TRMT10B: variants seen among roughly 807,000 people sequenced by gnomAD.
TRMT10B encodes the protein tRNA methyltransferase 10 homolog B.
In TRMT10B, 33 loss-of-function variants were observed where a neutral mutation model predicts 43.8. That is an observed-to-expected ratio of 0.75 (90% CI 0.57 to 1.01). The LOEUF (loss-of-function observed/expected upper bound fraction) is 1.01. Ranked by LOEUF, TRMT10B falls within the 50% of genes least tolerant of loss-of-function variation. The pLI, the probability that TRMT10B is intolerant of heterozygous loss-of-function variation, is 0.00. For synonymous variants in TRMT10B, 137 were observed against 130.6 expected, an observed-to-expected ratio of 1.05 and a Z score of -0.34; for missense variants, 362 against 369.8, an observed-to-expected ratio of 0.98 and a Z score of 0.17.
intron 1 of TRMT10B, among the ~76,000 whole-genome samples, chr9:37,757,116 C>T (rs996518285): frequency 2.0e-4 from 31 of 151,912 alleles, no homozygotes; most frequent in African/African-American, 6.3e-4. Context: ...ACAGGGTTTG[C>T]TGTGTCACCC....
chr9:37,762,139 C>A (rs748289491), intron 2 of TRMT10B, 22 bp downstream of exon 2: 1 of 1,599,708 alleles, frequency 6.3e-7, no homozygotes, highest in Admixed American at 1.7e-5. Flanking sequence ...AATTGCCTGG[C>A]CATAGGCCTT....
At chr9:37,774,915 C>A (rs544387789) in intron 7 of TRMT10B, among the ~76,000 whole-genome samples, 2 of 152,250 alleles carry the variant, frequency 1.3e-5, no homozygotes, top group African/African-American at 4.8e-5. Context: ...ACTTGAAATT[C>A]AAAGAAGAGT....
intron 1 of TRMT10B, among the ~76,000 whole-genome samples, chr9:37,756,424 TG>T (rs1825681941): frequency 6.8e-6 from 1 of 146,704 alleles, no homozygotes; most frequent in African/African-American, 2.5e-5. Context: ...AAAAAAAAAA[TG>T]GCTGGGTGCG....
chr9:37,754,347 G>A (rs190143019), intron 1 of TRMT10B, among the ~76,000 whole-genome samples: 3 of 152,298 alleles, frequency 2.0e-5, no homozygotes, highest in Admixed American at 2.0e-4. Context: ...AGCATTGAGG[G>A]TAAAGAGAAC....
Position 37,772,628 on chromosome 9 carries a change from A to ATG in TRMT10B, c.720+1892_720+1893dup, listed in dbSNP as rs151186284. 6.9e-3 allele frequency among the ~76,000 whole-genome samples: 1,053 copies of ATG among 152,270 alleles called. 16 individuals are homozygous for ATG. Among genetic ancestry groups the ATG allele is most frequent in the African/African-American group, 0.024 (1,014 of 41,544 alleles). ...ATTGTGAGGAAACAGACAAATCAGAATGTGGGACATTCTGCAAAACAACTG... is the reference window on the plus strand; with the variant it reads ...ATTGTGAGGAAACAGACAAATCAGAATGTGTGGGACATTCTGCAAAACAACTG... On this transcript the variant is annotated intron_variant, in intron 7 of 8. Transcript: ENST00000297994.
chr9:37,778,286 G>C lies in TRMT10B; in HGVS notation c.*579G>C, dbSNP rs1828395972. On this transcript the variant is annotated 3_prime_UTR_variant, in exon 9 of 9. Transcript: ENST00000297994. ...AATCCCAGCACTTTGGGAGGCTGAG[G>C]TGAGTGGATTACAAGGTCAGGAGTT... The C allele has an allele frequency of 6.6e-6, 1 of 152,510 alleles. No homozygotes were observed. Among genetic ancestry groups the C allele is most frequent in the South Asian group, 2.1e-4 (1 of 4,842 alleles). 9.4% of individuals were successfully genotyped at this position (152,510 alleles called of 1,614,324 possible). A position where few individuals can be genotyped will look rare whatever the true frequency, so the allele number is the denominator to read the frequency against.
chr9:37,753,667 C>T (rs949555931), upstream of TRMT10B: 5 of 152,236 alleles, frequency 3.3e-5, no homozygotes, highest in Admixed American at 3.3e-4. Context: ...GACGCAGCTC[C>T]CTACCGCCAG....
In TRMT10B at chr9:37,777,796, A is replaced by C; in HGVS notation, c.*89A>C. 1 of 1,033,658 alleles carries C rather than the reference A, an allele frequency of 9.7e-7. No individual in the cohort carries two copies. The highest frequency in any genetic ancestry group is 1.9e-5 in the Admixed American group (1 of 52,872). 64.0% of individuals were successfully genotyped at this position (1,033,658 alleles called of 1,614,324 possible). ...CGAAGTGGGCAGATCACCTGAGGTC[A>C]GGAGTTCACGACCAGCCTGGCCAAC... On this transcript the variant is annotated 3_prime_UTR_variant, in exon 9 of 9. Coordinates refer to ENST00000297994, the MANE Select transcript of TRMT10B (RefSeq NM_144964.4).
At chr9:37,767,942 C>T in intron 4 of TRMT10B, 134 bp from the exon 5 acceptor site, 1 of 826,144 alleles carries the variant, frequency 1.2e-6, no homozygotes, top group South Asian at 1.8e-5. Context: ...AGGTATAATA[C>T]ACGCACACAT....
At chr9:37,753,360 G>T (rs372957870), upstream of TRMT10B, among the ~76,000 whole-genome samples, 1 of 152,186 alleles carries the variant, frequency 6.6e-6, no homozygotes, top group South Asian at 2.1e-4. Context: ...CCTAAACTCC[G>T]CAAGGGATGG....
intron 1 of TRMT10B, among the ~76,000 whole-genome samples, chr9:37,759,364 C>G (rs1589009612): frequency 6.6e-6 from 1 of 152,172 alleles, no homozygotes; most frequent in Admixed American, 6.5e-5. Context: ...GGAAAAAAGT[C>G]AAGTGCTAAA....
chr9:37,754,003 C>T (rs1825295347), intron 1 of TRMT10B, among the ~76,000 whole-genome samples, 151 bp downstream of exon 1: 1 of 152,240 alleles, frequency 6.6e-6, no homozygotes, highest in Admixed American at 6.5e-5. Context: ...ACTTTCCCTT[C>T]CTGCTTCCAC....
chr9:37,761,596 G>C (rs1002773235), intron 1 of TRMT10B, among the ~76,000 whole-genome samples: 2 of 152,184 alleles, frequency 1.3e-5, no homozygotes, highest in African/African-American at 4.8e-5. Context: ...TACTCAGGAG[G>C]CTGAGGCAGA....
chr9:37,772,901 T>C (rs753850513), intron 7 of TRMT10B, among the ~76,000 whole-genome samples: 17 of 152,208 alleles, frequency 1.1e-4, no homozygotes, highest in Non-Finnish European at 2.5e-4. Context: ...GAATTCTGTA[T>C]TGAGAGGAAA....
At chr9:37,771,209 G>T (rs183999112) in intron 7 of TRMT10B, among the ~76,000 whole-genome samples, 1 of 151,462 alleles carries the variant, frequency 6.6e-6, no homozygotes, top group Non-Finnish European at 1.5e-5. Flanking sequence ...TGAAATGTTT[G>T]TTATATAGCT....
At chr9:37,770,069 A>G (rs1827399111) in intron 6 of TRMT10B, 50 bp downstream of exon 6, 1 of 1,506,224 alleles carries the variant, frequency 6.6e-7, no homozygotes, top group Admixed American at 1.7e-5. Flanking sequence ...CCTGTGTTTC[A>G]TTATTCCCTG....
chr9:37,758,641 G>A (rs962590329), intron 1 of TRMT10B, among the ~76,000 whole-genome samples: 5 of 152,172 alleles, frequency 3.3e-5, no homozygotes, highest in African/African-American at 1.2e-4. Flanking sequence ...ACAAGAAGTA[G>A]AAGTTTTAAA....
chr9:37,767,041 A>G (rs1827051628), intron 4 of TRMT10B: 1 of 152,192 alleles, frequency 6.6e-6, no homozygotes, highest in Non-Finnish European at 1.5e-5. Flanking sequence ...AAGGCAGTGC[A>G]TAATACTGGG....
rs142256413 is a variant in TRMT10B, at chr9:37,772,007, C to T, written c.720+1268C>T. The stretch of plus-strand genomic sequence containing the variant: ...TACAGGCCCATGCCACCACACCTAG[C>T]TAGTTTTTAATTTAATTTTTTTGAG... On this transcript the variant is annotated intron_variant, in intron 7 of 8. Coordinates refer to ENST00000297994, the MANE Select transcript of TRMT10B (RefSeq NM_144964.4). Among the ~76,000 whole-genome samples, 304 of 152,096 alleles carry T rather than the reference C, an allele frequency of 2.0e-3. 2 individuals are homozygous for T. Among genetic ancestry groups the T allele is most frequent in the African/African-American group, 7.0e-3 (292 of 41,484 alleles).
Sources: allele counts gnomAD v4.1 joint callset (sites outside exome capture counted in the v4.1 genomes callset), GRCh38; gene constraint gnomAD v4.1.1; transcripts MANE v1.5; gene names NCBI Gene and HGNC (gene_info 2026-07-23, HGNC 2026-07-21).